Variants in CNTNAP5 observed in about 807,000 individuals in gnomAD.
CNTNAP5 encodes the protein contactin associated protein family member 5, also known as contactin-associated protein-like 5.
Under a neutral mutation model 150.2 loss-of-function variants are expected in CNTNAP5, and 72 were observed. The observed-to-expected ratio is 0.48, with a 90% CI of 0.40 to 0.58. CNTNAP5 has a LOEUF of 0.58. Ranked by LOEUF, CNTNAP5 falls within the 20% of genes least tolerant of loss-of-function variation. The pLI is 0.00. For missense variants in CNTNAP5, 1,636 were observed against 1,626.2 expected (o/e 1.01, Z -0.10); for synonymous variants, 672 against 619.8 (o/e 1.08, Z -1.25).
Position 124,416,595 on chromosome 2 carries a change from G to T in CNTNAP5, c.382-848G>T, listed in dbSNP as rs565563587. ...TGAAATTGTTGAAGAGTAGAAAGCT[G>T]TAGAAATTTCAGACTAATTACTAGC... On this transcript the variant is annotated intron_variant, in intron 3 of 23. Transcript: ENST00000682447. 1.9e-4 allele frequency among the ~76,000 whole-genome samples: 29 copies of T among 152,262 alleles called. No individual in the cohort carries two copies. In the South Asian group the frequency reaches 5.8e-3, roughly 30 times the overall value.
At chr2:124,423,955 C>T (rs577242465) in intron 4 of CNTNAP5, among the ~76,000 whole-genome samples, 10 of 152,186 alleles carry the variant, frequency 6.6e-5, no homozygotes, top group Admixed American at 1.3e-4. Flanking sequence ...TGAGCCACCG[C>T]GCCCGGCCCG....
At chr2:124,240,591 C>T (rs754673409) in intron 2 of CNTNAP5, among the ~76,000 whole-genome samples, 1 of 152,060 alleles carries the variant, frequency 6.6e-6, no homozygotes, top group Non-Finnish European at 1.5e-5. Context: ...AAATCACATT[C>T]CACAATAGAT....
chr2:124,786,428 AAGGAAGGAAGG>A, intron 17 of CNTNAP5, among the ~76,000 whole-genome samples: 13 of 119,746 alleles, frequency 1.1e-4, no homozygotes, highest in Non-Finnish European at 2.1e-4. Flanking sequence ...GGAAGGAAGG[AAGGAAGGAAGG>A]AAGGAAGGAA....
intron 1 of CNTNAP5, among the ~76,000 whole-genome samples, chr2:124,210,314 T>G (rs1316582876): frequency 6.6e-6 from 1 of 152,214 alleles, no homozygotes; most frequent in Non-Finnish European, 1.5e-5. Flanking sequence ...GGACCATTTA[T>G]CACCTCTTTT....
intron 12 of CNTNAP5, among the ~76,000 whole-genome samples, chr2:124,621,723 C>T (rs910987462): frequency 4.6e-5 from 7 of 152,142 alleles, no homozygotes; most frequent in African/African-American, 1.2e-4. Context: ...GTGGGCTGCA[C>T]CCAGGTCTGC....
chr2:124,136,793 T>C (rs1443453579), intron 1 of CNTNAP5, among the ~76,000 whole-genome samples: 1 of 152,196 alleles, frequency 6.6e-6, no homozygotes. Context: ...GCACCTCTTT[T>C]CTGCACATTG....
chr2:124,665,698 A>T (rs950270622), intron 13 of CNTNAP5, among the ~76,000 whole-genome samples: 3 of 152,080 alleles, frequency 2.0e-5, no homozygotes, highest in African/African-American at 7.2e-5. Flanking sequence ...CATCCTGGCT[A>T]ACACGGTGAA....
intron 13 of CNTNAP5, among the ~76,000 whole-genome samples, chr2:124,680,391 G>A (rs781158010): frequency 9.9e-5 from 15 of 151,846 alleles, no homozygotes; most frequent in East Asian, 5.8e-4. Context: ...CAAGGAAAGC[G>A]AAGAACAATT....
intron 19 of CNTNAP5, among the ~76,000 whole-genome samples, chr2:124,851,788 G>A (rs1425310753): frequency 2.0e-5 from 3 of 152,136 alleles, no homozygotes; most frequent in Non-Finnish European, 4.4e-5. Context: ...AGAGGAGGGG[G>A]AAGGCCCACA....
intron 21 of CNTNAP5, among the ~76,000 whole-genome samples, chr2:124,890,532 T>C (rs1245765292): frequency 2.6e-5 from 4 of 152,114 alleles, no homozygotes; most frequent in Non-Finnish European, 5.9e-5. Context: ...AATAAACTAC[T>C]TGCACTCTAA....
intron 4 of CNTNAP5, among the ~76,000 whole-genome samples, chr2:124,424,511 A>C (rs1344484630): frequency 1.3e-5 from 2 of 152,216 alleles, no homozygotes; most frequent in Admixed American, 1.3e-4. Context: ...AGATTTGAGA[A>C]TAAATGAAAT....
At chr2:124,311,148 T>G (rs1462251172) in intron 3 of CNTNAP5, among the ~76,000 whole-genome samples, 2 of 152,238 alleles carry the variant, frequency 1.3e-5, no homozygotes, top group Non-Finnish European at 2.9e-5. Flanking sequence ...TTAGATTGTA[T>G]CTTTTTTCTA....
At chr2:124,670,364 G>A (rs1678796748) in intron 13 of CNTNAP5, among the ~76,000 whole-genome samples, 1 of 151,978 alleles carries the variant, frequency 6.6e-6, no homozygotes, top group Non-Finnish European at 1.5e-5. Flanking sequence ...GGCCATCTGT[G>A]TGTCTTCTGT....
At chr2:124,342,466 A>G (rs1689641976) in intron 3 of CNTNAP5, among the ~76,000 whole-genome samples, 1 of 152,180 alleles carries the variant, frequency 6.6e-6, no homozygotes, top group South Asian at 2.1e-4. Flanking sequence ...ACCAGTTTCC[A>G]GGGGGCTTTT....
Position 124,034,127 on chromosome 2 carries a change from T to G in CNTNAP5, c.82+8395T>G, listed in dbSNP as rs538759164. Reference sequence around the variant, plus strand: ...CCAATGGGGAGATGAAAAAGGACAGTGAGAAGGGCATATGTCACACAGTTT... The same window carrying G: ...CCAATGGGGAGATGAAAAAGGACAGGGAGAAGGGCATATGTCACACAGTTT... On this transcript the variant is annotated intron_variant, in intron 1 of 23. Transcript: ENST00000682447. Among the ~76,000 whole-genome samples the G allele has an allele frequency of 6.6e-5, 10 of 152,270 alleles. No homozygotes were observed. In the South Asian group the frequency reaches 1.0e-3, roughly 16 times the overall value.
intron 21 of CNTNAP5, among the ~76,000 whole-genome samples, chr2:124,892,748 A>G (rs1009700530): frequency 2.0e-5 from 3 of 152,236 alleles, no homozygotes; most frequent in African/African-American, 4.8e-5. Flanking sequence ...CTCAATTAGT[A>G]TTTACCGAAT....
chr2:124,212,964 G>A (rs1421888148), intron 1 of CNTNAP5, among the ~76,000 whole-genome samples: 1 of 146,906 alleles, frequency 6.8e-6, no homozygotes, highest in African/African-American at 2.5e-5. Flanking sequence ...TCAGCCTCCC[G>A]AGTAGCTGGG....
chr2:124,507,120 T>A (rs1334306819), intron 8 of CNTNAP5, among the ~76,000 whole-genome samples: 2 of 152,088 alleles, frequency 1.3e-5, no homozygotes, highest in Non-Finnish European at 2.9e-5. Flanking sequence ...TGCTTTTATA[T>A]CACCTTGAGA....
intron 10 of CNTNAP5, among the ~76,000 whole-genome samples, chr2:124,559,551 A>C (rs963251675): frequency 1.3e-5 from 2 of 152,208 alleles, no homozygotes; most frequent in Non-Finnish European, 2.9e-5. Context: ...TAGAAGACAG[A>C]TGTTCAATGT....
Sources: gnomAD v4.1 joint callset for allele counts (sites outside exome capture counted in the v4.1 genomes callset) on GRCh38, gnomAD v4.1.1 for gene constraint, MANE v1.5 for transcripts, NCBI Gene and HGNC (gene_info 2026-07-23, HGNC 2026-07-21) for gene names.